ANO4: variants seen among roughly 807,000 people sequenced by gnomAD.
ANO4 encodes anoctamin 4.
A neutral mutation model predicts 141.9 loss-of-function variants in ANO4; 69 were observed. That is an observed-to-expected ratio of 0.49 (90% CI 0.40 to 0.59). ANO4 has a LOEUF of 0.59. Ranked by LOEUF, ANO4 falls within the 20% of genes least tolerant of loss-of-function variation. ANO4 has a pLI of 0.00. For synonymous variants in ANO4, 350 were observed against 394.3 expected (o/e 0.89, Z 1.33); for missense variants, 894 against 1,162.2 (o/e 0.77, Z 3.36).
At chr12:100,832,983 C>T (rs939515438) in intron 1 of ANO4, among the ~76,000 whole-genome samples, 5 of 152,100 alleles carry the variant, frequency 3.3e-5, no homozygotes, top group Non-Finnish European at 7.4e-5. Flanking sequence ...TTTATGCTTT[C>T]TAGCAGACAG....
At chr12:101,120,067 C>T (rs12370673) in intron 25 of ANO4, among the ~76,000 whole-genome samples, 33,364 of 152,124 alleles carry the variant, frequency 0.22, 3,887 homozygotes, top group African/African-American at 0.28. Flanking sequence ...CAGTAATGGC[C>T]GGATCCCAGG....
intron 3 of ANO4, among the ~76,000 whole-genome samples, chr12:100,925,640 A>G (rs539427326): frequency 7.7e-6 from 1 of 130,556 alleles, no homozygotes; most frequent in South Asian, 2.9e-4. Context: ...AACTTAAAGT[A>G]TAATTAAAAA....
intron 5 of ANO4, among the ~76,000 whole-genome samples, chr12:100,960,687 C>A (rs1220341822): frequency 6.6e-6 from 1 of 152,000 alleles, no homozygotes; most frequent in Non-Finnish European, 1.5e-5. Flanking sequence ...CCAAATTCTT[C>A]TGTCTTTTCT....
intron 7 of ANO4, among the ~76,000 whole-genome samples, chr12:100,984,907 T>C (rs1400660656): frequency 1.6e-5 from 1 of 63,662 alleles, no homozygotes; most frequent in Non-Finnish European, 2.9e-5. Flanking sequence ...AGAGTAGTTA[T>C]GCCTGATTTT....
At chr12:100,802,392 T>G (rs754100442) in intron 1 of ANO4, among the ~76,000 whole-genome samples, 1 of 152,126 alleles carries the variant, frequency 6.6e-6, no homozygotes, top group Non-Finnish European at 1.5e-5. Context: ...CCTCCTTTCT[T>G]TTTCCTAAAA....
chr12:100,963,758 T>A (rs1449272215), intron 5 of ANO4, among the ~76,000 whole-genome samples: 1 of 152,150 alleles, frequency 6.6e-6, no homozygotes, highest in African/African-American at 2.4e-5. Context: ...AGGAGCCCTT[T>A]AACCCTCGAG....
At chr12:101,077,031 T>C (rs2049049458) in intron 14 of ANO4, among the ~76,000 whole-genome samples, 1 of 152,204 alleles carries the variant, frequency 6.6e-6, no homozygotes, top group South Asian at 2.1e-4. Flanking sequence ...TCCACCACCC[T>C]GACTGCTAAG....
At chr12:100,823,215 G>T (rs946108248) in intron 1 of ANO4, among the ~76,000 whole-genome samples, 2 of 151,928 alleles carry the variant, frequency 1.3e-5, no homozygotes, top group African/African-American at 4.8e-5. Flanking sequence ...ATGAGGAAAT[G>T]GAAGCCAAAT....
At chr12:100,813,875 C>A (rs1244149095) in intron 1 of ANO4, among the ~76,000 whole-genome samples, 1 of 152,160 alleles carries the variant, frequency 6.6e-6, no homozygotes, top group Non-Finnish European at 1.5e-5. Flanking sequence ...TGGGGCAGAT[C>A]TTCAGAAGGG....
chr12:100,741,848 A>AT (rs1216372595), intron 3 of ANO4, among the ~76,000 whole-genome samples: 8 of 152,146 alleles, frequency 5.3e-5, no homozygotes, highest in Non-Finnish European at 1.0e-4. Context: ...TACCTCCTTT[A>AT]TATATTAACC....
chr12:100,807,453 G>T (rs1593382739), intron 1 of ANO4, among the ~76,000 whole-genome samples: 1 of 151,690 alleles, frequency 6.6e-6, no homozygotes, highest in East Asian at 1.9e-4. Context: ...GATTTTTTTT[G>T]ATCTTCCTAC....
intron 1 of ANO4, among the ~76,000 whole-genome samples, chr12:100,824,099 C>G (rs147369459): frequency 1.3e-5 from 2 of 151,982 alleles, no homozygotes; most frequent in African/African-American, 4.8e-5. Flanking sequence ...AAAAATTAAG[C>G]CTGGGAGATT....
chr12:100,773,353 C>T (rs2033375438), intron 3 of ANO4, among the ~76,000 whole-genome samples: 1 of 152,164 alleles, frequency 6.6e-6, no homozygotes, highest in Non-Finnish European at 1.5e-5. Flanking sequence ...CTCAGAGTGT[C>T]CTAGATATTT....
At chr12:100,834,071 CAA>C (rs919137950) in intron 1 of ANO4, among the ~76,000 whole-genome samples, 11 of 152,076 alleles carry the variant, frequency 7.2e-5, no homozygotes, top group Non-Finnish European at 1.5e-4. Context: ...GGATGGGAAG[CAA>C]AGAGGTATCA....
At chr12:100,823,906 A>T (rs549333920) in intron 1 of ANO4, among the ~76,000 whole-genome samples, 1 of 152,214 alleles carries the variant, frequency 6.6e-6, no homozygotes, top group Admixed American at 6.5e-5. Context: ...CTGTATTAGA[A>T]TAGTTCACAT....
intron 5 of ANO4, among the ~76,000 whole-genome samples, chr12:100,967,175 C>T (rs955213430): frequency 6.6e-6 from 1 of 152,018 alleles, no homozygotes; most frequent in Non-Finnish European, 1.5e-5. Context: ...AATATTTTCC[C>T]AAACTTCTCT....
At chr12:101,096,478 G>C in intron 18 of ANO4, 58 bp from the exon 19 acceptor site, 7 of 1,338,592 alleles carry the variant, frequency 5.2e-6, no homozygotes, top group Non-Finnish European at 7.5e-6. Context: ...GGGAAAGAGA[G>C]GGAGTTGAGA....
chr12:100,826,395 T>G (rs2036343126), intron 1 of ANO4, among the ~76,000 whole-genome samples: 1 of 152,106 alleles, frequency 6.6e-6, no homozygotes, highest in South Asian at 2.1e-4. Flanking sequence ...TAACAAAATG[T>G]CTACAAAAAG....
chr12:101,018,965 A>T (rs1034512503), intron 8 of ANO4, among the ~76,000 whole-genome samples: 3 of 152,202 alleles, frequency 2.0e-5, no homozygotes, highest in African/African-American at 7.2e-5. Flanking sequence ...TGAAAAAAAA[A>T]TGACAATATG....
Sources: gnomAD v4.1 joint callset for allele counts (sites outside exome capture counted in the v4.1 genomes callset) on GRCh38, gnomAD v4.1.1 for gene constraint, MANE v1.5 for transcripts, NCBI Gene and HGNC (gene_info 2026-07-23, HGNC 2026-07-21) for gene names.